Variants in SLC38A9 observed in about 807,000 individuals in gnomAD.
The protein encoded by SLC38A9 is solute carrier family 38 member 9, also known as neutral amino acid transporter 9.
A neutral mutation model predicts 62.3 loss-of-function variants in SLC38A9; 48 were observed. That is an observed-to-expected ratio of 0.77 (90% CI 0.61 to 0.98). SLC38A9 has a LOEUF of 0.98. SLC38A9 is among the 50% of genes least tolerant of loss of function. The probability of loss-of-function intolerance (pLI) is 0.00; values close to 1 mark genes in which losing one functional copy is unlikely to be tolerated. For synonymous variants in SLC38A9, 204 were observed against 227.7 expected, an observed-to-expected ratio of 0.90 and a Z score of 0.94; for missense variants, 541 against 679.8, an observed-to-expected ratio of 0.80 and a Z score of 2.27.
At chr5:55,638,634 T>C (rs553752254) in intron 12 of SLC38A9, among the ~76,000 whole-genome samples, 14 of 152,278 alleles carry the variant, frequency 9.2e-5, no homozygotes, top group African/African-American at 3.4e-4. Context: ...GTACCGTTCA[T>C]AGTGAAAATA....
At chr5:55,679,033 A>C (rs1321602241) in intron 3 of SLC38A9, among the ~76,000 whole-genome samples, 2 of 152,188 alleles carry the variant, frequency 1.3e-5, no homozygotes, top group African/African-American at 4.8e-5. Flanking sequence ...ACAATGTTAA[A>C]GTGAAAACAA....
In SLC38A9 at chr5:55,671,500, T is replaced by C. The variant is rs907638607; in HGVS notation, c.246+1063A>G. On this transcript the variant is annotated intron_variant, in intron 4 of 15. Coordinates refer to ENST00000396865, the MANE Select transcript of SLC38A9 (RefSeq NM_173514.4). ...TATGTGTACATATTTCAGTTTCCCA[T>C]TCTTCTTTTTTTTTTTTTTTAAGAG... Among the ~76,000 whole-genome samples, 13 of 93,550 alleles carry C rather than the reference T, an allele frequency of 1.4e-4. 1 individual carries two copies. The highest frequency in any genetic ancestry group is 8.3e-4 in the Admixed American group (8 of 9,690). 61.4% of individuals were successfully genotyped at this position (93,550 alleles called of 152,430 possible).
intron 3 of SLC38A9, among the ~76,000 whole-genome samples, chr5:55,695,835 TA>T (rs1352371836): frequency 2.2e-4 from 16 of 73,132 alleles, no homozygotes; most frequent in South Asian, 7.2e-4. Context: ...CACTTCCCAG[TA>T]GGGGCGGCCG....
chr5:55,664,595 A>G lies in SLC38A9; in HGVS notation c.697+98T>C, dbSNP rs920217347. 14 of 643,332 alleles carry G rather than the reference A, an allele frequency of 2.2e-5. No homozygotes were observed. The Admixed American group carries it at 3.7e-4, about 17-fold the overall frequency. The allele number at this position is 643,332 out of a possible 1,614,324, so 39.9% of individuals were successfully genotyped here. On this transcript the variant is annotated intron_variant, in intron 8 of 15. Transcript: ENST00000396865. ...AATTATATATGTTACTTCTTATTTT[A>G]TTTATCCCAAGTCCTAGAATTTAAG...
chr5:55,684,090 A>G (rs949114670), intron 3 of SLC38A9, among the ~76,000 whole-genome samples: 2 of 152,076 alleles, frequency 1.3e-5, no homozygotes, highest in African/African-American at 4.8e-5. Context: ...TTGAAAAAAC[A>G]TTTTCCACAA....
chr5:55,671,941 GGGC>G (rs981149909), intron 4 of SLC38A9, among the ~76,000 whole-genome samples: 2 of 152,108 alleles, frequency 1.3e-5, no homozygotes, highest in African/African-American at 4.8e-5. Flanking sequence ...GATCCATCCT[GGGC>G]TCAAGGGATC....
chr5:55,677,267 TAATA>T (rs1455702426), intron 3 of SLC38A9, among the ~76,000 whole-genome samples: 8 of 152,184 alleles, frequency 5.3e-5, no homozygotes, highest in African/African-American at 1.7e-4. Flanking sequence ...AATAAAACAT[TAATA>T]TATAAAACAT....
Position 55,676,189 on chromosome 5 carries a change from A to G in SLC38A9, c.114-3494T>C, listed in dbSNP as rs540512174. On this transcript the variant is annotated intron_variant, in intron 3 of 15. Coordinates refer to ENST00000396865, the MANE Select transcript of SLC38A9 (RefSeq NM_173514.4). ...TTCTTTCTTTCTTACTTTCTTTTTG[A>G]GACAGGATTTTACTCTATTGCCTAG... Among the ~76,000 whole-genome samples the G allele has an allele frequency of 1.0e-3, 152 of 152,072 alleles. 1 individual carries two copies. The highest frequency in any genetic ancestry group is 3.6e-3 in the African/African-American group (149 of 41,478).
Position 55,669,748 on chromosome 5 carries a change from T to C in SLC38A9, c.368+10A>G, listed in dbSNP as rs772306559. On this transcript the variant is annotated intron_variant, in intron 5 of 15. Transcript: ENST00000396865. ...GTTTAAGTCATGCTCCAAAAAGCAG[T>C]TTCACTCACATGGTTACTAAACTGG... 6.2e-7 allele frequency: 1 copy of C among 1,609,682 alleles called. No individual in the cohort carries two copies. Among genetic ancestry groups the C allele is most frequent in the Non-Finnish European group, 8.5e-7 (1 of 1,178,884 alleles).
At chr5:55,649,081 T>C in intron 11 of SLC38A9, 126 bp downstream of exon 11, 2 of 507,982 alleles carry the variant, frequency 3.9e-6, no homozygotes, top group Non-Finnish European at 6.8e-6. Flanking sequence ...TGTAGTCCTG[T>C]TTTTAACTTA....
intron 11 of SLC38A9, 114 bp from the exon 12 acceptor site, chr5:55,646,009 A>G (rs961744431): frequency 1.0e-5 from 7 of 668,342 alleles, no homozygotes; most frequent in Middle Eastern, 6.0e-4. Flanking sequence ...GGGAATAAGA[A>G]TATTAAAATG....
chr5:55,659,394 TA>T (rs200422919), intron 8 of SLC38A9, among the ~76,000 whole-genome samples: 38 of 148,416 alleles, frequency 2.6e-4, no homozygotes, highest in East Asian at 5.9e-4. Flanking sequence ...TTTTTTATTT[TA>T]TTTTGATTTG....
chr5:55,655,987 AT>A (rs1419377775), intron 9 of SLC38A9, among the ~76,000 whole-genome samples: 2 of 152,148 alleles, frequency 1.3e-5, no homozygotes, highest in African/African-American at 4.8e-5. Context: ...CAGGTTACAA[AT>A]TTGTATAGCC....
rs376897954 is a variant in SLC38A9, at chr5:55,633,586, C to T, written c.1430+168G>A. On this transcript the variant is annotated intron_variant, in intron 14 of 15. Coordinates refer to ENST00000396865, the MANE Select transcript of SLC38A9 (RefSeq NM_173514.4). Reference sequence around the variant, plus strand: ...TAAATCATTCTAGACAAGGGAGTGGCTTCTATTTTTAAAGCTCTTCAGGGA... The same window carrying T: ...TAAATCATTCTAGACAAGGGAGTGGTTTCTATTTTTAAAGCTCTTCAGGGA... 619 of 811,920 alleles carry T rather than the reference C, an allele frequency of 7.6e-4. 7 individuals carry two copies. In the South Asian group the frequency reaches 0.012, roughly 16 times the overall value. The allele number at this position is 811,920 out of a possible 1,614,324, so 50.3% of individuals were successfully genotyped here.
chr5:55,697,008 G>A, intron 3 of SLC38A9: 1 of 156,080 alleles, frequency 6.4e-6, no homozygotes, highest in Non-Finnish European at 1.4e-5. Context: ...TGTGATGGTG[G>A]CCGGGAAGAG....
At chr5:55,669,356 C>A (rs1302256498) in intron 6 of SLC38A9, 35 bp from the exon 7 acceptor site, 1 of 1,527,090 alleles carries the variant, frequency 6.5e-7, no homozygotes, top group Admixed American at 1.8e-5. Flanking sequence ...CAGCATATAT[C>A]ATCATGTAAG....
intron 10 of SLC38A9, among the ~76,000 whole-genome samples, chr5:55,649,979 AAAC>A (rs2150163900): frequency 6.6e-6 from 1 of 152,340 alleles, no homozygotes; most frequent in African/African-American, 2.4e-5. Flanking sequence ...GGATTGAAAA[AAAC>A]AACATGAAAC....
At position 55,669,856 on chromosome 5, in the gene SLC38A9, T is replaced by C; in HGVS notation, c.270A>G (p.Pro90=). 6.2e-7 allele frequency: 1 copy of C among 1,609,536 alleles called. No individual in the cohort carries two copies. The highest frequency in any genetic ancestry group is 8.5e-7 in the Non-Finnish European group (1 of 1,178,674). Residue 90 remains proline (P), a synonymous_variant, in exon 5 of 16, where the codon CCA becomes CCG. Transcript: ENST00000396865. The part of the protein sequence containing the change: ...KALIAPDHVV[P]APEECYVYSP... ...TATACACATAGCACTCTTCTGGAGC[T>C]GGAACTACATGGTCTGGGGCAATCT...
chr5:55,652,010 C>T (rs1353210347), intron 10 of SLC38A9, among the ~76,000 whole-genome samples: 2 of 141,398 alleles, frequency 1.4e-5, no homozygotes, highest in Admixed American at 7.3e-5. Flanking sequence ...GTCATCTACA[C>T]TTTTCTCCAT....
Sources: allele counts gnomAD v4.1 joint callset (sites outside exome capture counted in the v4.1 genomes callset), GRCh38; gene constraint gnomAD v4.1.1; transcripts MANE v1.5; gene names NCBI Gene and HGNC (gene_info 2026-07-23, HGNC 2026-07-21).